BMX: variants seen among roughly 807,000 people sequenced by gnomAD.
BMX encodes cytoplasmic tyrosine-protein kinase BMX.
A neutral mutation model predicts 59.2 loss-of-function variants in BMX; 31 were observed. The observed-to-expected ratio is 0.52, with a 90% CI of 0.39 to 0.71. The LOEUF is 0.71. BMX is among the 30% of genes least tolerant of loss of function. The probability of loss-of-function intolerance (pLI) is 0.00; values close to 1 mark genes in which losing one functional copy is unlikely to be tolerated. For synonymous variants in BMX, 185 were observed against 181.0 expected, an observed-to-expected ratio of 1.02 and a Z score of -0.18; for missense variants, 474 against 491.7, an observed-to-expected ratio of 0.96 and a Z score of 0.34.
At chrX:15,519,296 G>C (rs926316087) in intron 6 of BMX, among the ~76,000 whole-genome samples, 4 of 111,994 alleles carry the variant, frequency 3.6e-5, no homozygotes, top group African/African-American at 1.3e-4. Context: ...CTAAGTAAAA[G>C]CCACATAATT....
chrX:15,547,162 G>T (rs980894563), intron 17 of BMX, among the ~76,000 whole-genome samples: 1 of 111,917 alleles, frequency 8.9e-6, no homozygotes, highest in Non-Finnish European at 1.9e-5. Flanking sequence ...AAATCAAAAG[G>T]GATAAATCTA....
chrX:15,548,185 G>A (rs1470850106), intron 17 of BMX, among the ~76,000 whole-genome samples: 4 of 111,922 alleles, frequency 3.6e-5, no homozygotes, highest in Non-Finnish European at 7.5e-5. Context: ...GGCTGAGTGC[G>A]GTGGCTCATG....
At chrX:15,555,266 T>C (rs753350051) in intron 18 of BMX, among the ~76,000 whole-genome samples, 1 of 93,033 alleles carries the variant, frequency 1.1e-5, no homozygotes, top group Admixed American at 1.4e-4. Context: ...TGGAATGCAG[T>C]GGTATGATCT....
intron 9 of BMX, among the ~76,000 whole-genome samples, chrX:15,527,243 C>A (rs865822911): frequency 3.1e-3 from 60 of 19,524 alleles, no homozygotes; most frequent in African/African-American, 0.012. Flanking sequence ...CACACACACA[C>A]ACAAATATAT....
In BMX at chrX:15,542,190, C is replaced by T. The variant is rs758831876; in HGVS notation, c.1603C>T (p.Arg535Trp). ...AFLESHQFIH[R>W]DLAARNCLVD... ...CTTGGAGAGTCACCAATTCATACAC[C>T]GGGACTTGGTAAGCAAAGCCATTGG... is the stretch of plus-strand genomic sequence containing the variant. Residue 535 changes from arginine (R) to tryptophan (W), a missense_variant, in exon 15 of 19, where the codon CGG becomes TGG. Transcript: ENST00000348343. The T allele has an allele frequency of 4.1e-6, 5 of 1,207,724 alleles. No individual in the cohort carries two copies. Among genetic ancestry groups the T allele is most frequent in the South Asian group, 3.5e-5 (2 of 56,719 alleles).
intron 3 of BMX, 43 bp downstream of exon 3, chrX:15,509,476 T>G: frequency 2.2e-6 from 2 of 899,451 alleles, no homozygotes; most frequent in Non-Finnish European, 3.1e-6. Flanking sequence ...TAGTTCTTCC[T>G]TCAATTTTTC....
chrX:15,516,694 C>A (rs57847471), intron 5 of BMX, among the ~76,000 whole-genome samples: 1 of 109,121 alleles, frequency 9.2e-6, no homozygotes, highest in East Asian at 2.9e-4. Context: ...AAAGATATAA[C>A]TTAAGTAACA....
intron 6 of BMX, among the ~76,000 whole-genome samples, chrX:15,521,836 G>A (rs147305911): frequency 3.3e-4 from 37 of 111,811 alleles, no homozygotes; most frequent in African/African-American, 4.9e-4. Context: ...CTTTTACCAC[G>A]TAAGGTATTC....
At chrX:15,523,613 C>T (rs918940763) in intron 7 of BMX, among the ~76,000 whole-genome samples, 3 of 111,237 alleles carry the variant, frequency 2.7e-5, no homozygotes, top group African/African-American at 9.8e-5. Context: ...TACATTTGTG[C>T]GCCTGCAGCC....
At chrX:15,518,642 C>G in intron 6 of BMX, among the ~76,000 whole-genome samples, 1 of 111,370 alleles carries the variant, frequency 9.0e-6, no homozygotes, top group Non-Finnish European at 1.9e-5. Context: ...TGTCACCTAG[C>G]TTGGGCCTGC....
chrX:15,538,060 A>G (rs915216699), intron 14 of BMX, among the ~76,000 whole-genome samples: 17 of 110,222 alleles, frequency 1.5e-4, no homozygotes, highest in African/African-American at 5.6e-4. Flanking sequence ...ACTCTTCCTA[A>G]TGTGTCTCAG....
At chrX:15,508,686 TTAAC>T (rs1923833487) in intron 2 of BMX, among the ~76,000 whole-genome samples, 195 bp downstream of exon 2, 1 of 112,418 alleles carries the variant, frequency 8.9e-6, no homozygotes, top group African/African-American at 3.2e-5. Flanking sequence ...AAAACATTAG[TTAAC>T]TTTACTAAGG....
At chrX:15,517,403 T>G (rs925366568) in intron 5 of BMX, among the ~76,000 whole-genome samples, 2 of 111,863 alleles carry the variant, frequency 1.8e-5, no homozygotes, top group Middle Eastern at 4.2e-3. Flanking sequence ...GCAGGTCAGA[T>G]TCCAGCTTTG....
rs1923549297 is a variant in BMX, at chrX:15,500,945, G to A, written c.-10+5G>A. On this transcript the variant is annotated splice_donor_5th_base_variant and intron_variant, in intron 1 of 18. Transcript: ENST00000348343. ...AGCACGGAACAAGCTGAGACGGTGCGTTTAAGCGGCAGGTGGCTACTCAGT... is the reference window on the plus strand; with the variant it reads ...AGCACGGAACAAGCTGAGACGGTGCATTTAAGCGGCAGGTGGCTACTCAGT... The A allele has an allele frequency of 1.3e-6, 1 of 754,654 alleles. No individual in the cohort carries two copies. The highest frequency in any genetic ancestry group is 1.6e-6 in the Non-Finnish European group (1 of 639,465). 62.2% of individuals were successfully genotyped at this position (754,654 alleles called of 1,213,427 possible). A position where few individuals can be genotyped will look rare whatever the true frequency, so the allele number is the denominator to read the frequency against.
In BMX at chrX:15,522,463, A is replaced by G. The variant is rs1924509487; in HGVS notation, c.628A>G (p.Ser210Gly). ...KNYGSQPPSS[S>G]TSLAQYDSNS... ...CTATGGCTCCCAGCCACCATCTTCA[A>G]GTACCAGTCTAGCGCAATATGACAG... The change falls in exon 7 of 19, where the codon AGT (serine) becomes GGT (glycine). Residue 210 changes from serine to glycine, a missense_variant. Coordinates refer to ENST00000348343, the MANE Select transcript of BMX (RefSeq NM_203281.3). The G allele has an allele frequency of 8.2e-7, 1 of 1,212,454 alleles. No homozygotes were observed. Among genetic ancestry groups the G allele is most frequent in the African/African-American group, 1.7e-5 (1 of 58,006 alleles).
At chrX:15,504,724 C>A (rs1923680773) in intron 1 of BMX, among the ~76,000 whole-genome samples, 1 of 112,431 alleles carries the variant, frequency 8.9e-6, no homozygotes, top group African/African-American at 3.2e-5. Flanking sequence ...TGCTGGCTTC[C>A]TTATAGGAAA....
chrX:15,556,176 G>A lies in BMX; in HGVS notation c.*29G>A, dbSNP rs756777152. On this transcript the variant is annotated 3_prime_UTR_variant, in exon 19 of 19. Transcript: ENST00000348343. ...AGAAATTAGGAGTGCTGATAAGAAT[G>A]AATATAGATGCTGGCCAGCATTTTC... 4.4e-6 allele frequency: 5 copies of A among 1,136,427 alleles called. No homozygotes were observed. Among genetic ancestry groups the A allele is most frequent in the Non-Finnish European group, 5.9e-6 (5 of 843,001 alleles). 93.7% of individuals were successfully genotyped at this position (1,136,427 alleles called of 1,213,427 possible).
intron 9 of BMX, among the ~76,000 whole-genome samples, chrX:15,529,323 A>T (rs1314138758): frequency 9.0e-6 from 1 of 110,542 alleles, no homozygotes; most frequent in Non-Finnish European, 1.9e-5. Context: ...CCTCCCTTCT[A>T]CCCTCACCCC....
At chrX:15,520,420 T>C (rs966339624) in intron 6 of BMX, among the ~76,000 whole-genome samples, 5 of 111,662 alleles carry the variant, frequency 4.5e-5, no homozygotes, top group Non-Finnish European at 9.4e-5. Context: ...AAGGATCTTA[T>C]TGGAGTGATG....
Sources: allele counts gnomAD v4.1 joint callset (sites outside exome capture counted in the v4.1 genomes callset), GRCh38; gene constraint gnomAD v4.1.1; transcripts MANE v1.5; gene names NCBI Gene and HGNC (gene_info 2026-07-23, HGNC 2026-07-21).